The following CTCF variants were observed in gnomAD, a reference collection of about 807,000 sequenced individuals.
CTCF encodes transcriptional repressor CTCF.
In CTCF, 7 loss-of-function variants were observed where a neutral mutation model predicts 72.3. That is an observed-to-expected ratio of 0.10 (90% CI 0.06 to 0.18). CTCF has a LOEUF of 0.18. Ranked by LOEUF, CTCF falls within the 10% of genes least tolerant of loss-of-function variation. The probability of loss-of-function intolerance (pLI) is 1.00; values close to 1 mark genes in which losing one functional copy is unlikely to be tolerated. For synonymous variants in CTCF, 374 were observed against 315.8 expected, an observed-to-expected ratio of 1.18 and a Z score of -1.95; for missense variants, 516 against 949.1, an observed-to-expected ratio of 0.54 and a Z score of 6.00.
intron 1 of CTCF, among the ~76,000 whole-genome samples, chr16:67,568,747 T>TTTGA (rs569994232): frequency 5.6e-4 from 86 of 152,286 alleles, no homozygotes; most frequent in African/African-American, 1.9e-3. Context: ...CCTGACTGGC[T>TTTGA]TTGAACTCCT....
At position 67,562,608 on chromosome 16, in the gene CTCF, T is replaced by TGGC. The variant is rs1567586290; in HGVS notation, c.-239_-237dup. 1 of 152,618 alleles carries TGGC rather than the reference T, an allele frequency of 6.6e-6. No individual in the cohort carries two copies. The highest frequency in any genetic ancestry group is 1.9e-4 in the East Asian group (1 of 5,152). The allele number at this position is 152,618 out of a possible 1,614,324, so 9.5% of individuals were successfully genotyped here. A position where few individuals can be genotyped will look rare whatever the true frequency, so the allele number is the denominator to read the frequency against. Reference sequence around the variant, plus strand: ...TAAACCGTGCGCGGAGCTGCTTCTTTGGCGGCAGCGGCGGCGGCGGTGGCC... The same window carrying TGGC: ...TAAACCGTGCGCGGAGCTGCTTCTTTGGCGGCGGCAGCGGCGGCGGCGGTGGCC... On this transcript the variant is annotated 5_prime_UTR_variant, in exon 1 of 12. Coordinates refer to ENST00000264010, the MANE Select transcript of CTCF (RefSeq NM_006565.4).
intron 2 of CTCF, among the ~76,000 whole-genome samples, chr16:67,587,788 C>T (rs555632312): frequency 1.3e-5 from 2 of 152,166 alleles, no homozygotes; most frequent in African/African-American, 4.8e-5. Context: ...ACAAAAGACT[C>T]ATTGAGTCAT....
chr16:67,600,804 A>G (rs148855998), intron 2 of CTCF, among the ~76,000 whole-genome samples: 1 of 152,268 alleles, frequency 6.6e-6, no homozygotes, highest in East Asian at 1.9e-4. Flanking sequence ...CAGCATCAGA[A>G]TATTAGGTGA....
At chr16:67,562,941 C>T (rs1472854790) in intron 1 of CTCF, among the ~76,000 whole-genome samples, 1 of 141,480 alleles carries the variant, frequency 7.1e-6, no homozygotes, top group East Asian at 2.1e-4. Context: ...GCCCGCCCGC[C>T]CGCTAGGCCT....
In CTCF at chr16:67,620,677, C is replaced by A; in HGVS notation, c.1087-20C>A. On this transcript the variant is annotated intron_variant, in intron 5 of 11. Coordinates refer to ENST00000264010, the MANE Select transcript of CTCF (RefSeq NM_006565.4). ...GTCTGTGTTAACAGAAGTTAAAGTT[C>A]GGTTGTTTTCGTATTTCAGGTCAGC... 2 of 1,535,082 alleles carry A rather than the reference C, an allele frequency of 1.3e-6. No homozygotes were observed. The highest frequency in any genetic ancestry group is 1.2e-5 in the South Asian group (1 of 82,386).
intron 2 of CTCF, among the ~76,000 whole-genome samples, chr16:67,572,945 C>CG (rs1212352762): frequency 8.6e-5 from 9 of 104,850 alleles, no homozygotes; most frequent in African/African-American, 2.7e-4. Flanking sequence ...CTGCCCCCCC[C>CG]CGCCCCCCCC....
intron 1 of CTCF, among the ~76,000 whole-genome samples, chr16:67,564,294 CG>C (rs2051315830): frequency 1.3e-5 from 2 of 152,186 alleles, no homozygotes; most frequent in East Asian, 1.9e-4. Context: ...TGTATCAGTT[CG>C]GGTTGTTTTG....
chr16:67,588,728 C>G (rs561277688), intron 2 of CTCF, among the ~76,000 whole-genome samples: 2 of 152,224 alleles, frequency 1.3e-5, no homozygotes, highest in Admixed American at 6.5e-5. Flanking sequence ...ACTCTGTACC[C>G]CAGACTAGAG....
intron 2 of CTCF, among the ~76,000 whole-genome samples, chr16:67,571,743 T>G (rs1298792405): frequency 6.6e-6 from 1 of 152,180 alleles, no homozygotes; most frequent in Non-Finnish European, 1.5e-5. Context: ...GGGAACCTGG[T>G]ATCCTGGATA....
At chr16:67,636,611 T>A (rs1047420779) in intron 10 of CTCF, 79 bp from the exon 11 acceptor site, 2 of 755,790 alleles carry the variant, frequency 2.6e-6, no homozygotes, top group Non-Finnish European at 3.8e-6. Flanking sequence ...AGACTTCAAA[T>A]AATATATAAT....
chr16:67,635,266 C>T lies in CTCF; in HGVS notation c.1838-1424C>T, dbSNP rs563447036. Among the ~76,000 whole-genome samples, 15 of 150,734 alleles carry T rather than the reference C, an allele frequency of 1.0e-4. No homozygotes were observed. The South Asian group carries it at 1.7e-3, about 17-fold the overall frequency. ...CGATCTCCTGACCTTGTGATCCACC[C>T]GCCTCAGCCTCCCAAAGTGCTGGGA... On this transcript the variant is annotated intron_variant, in intron 10 of 11. Coordinates refer to ENST00000264010, the MANE Select transcript of CTCF (RefSeq NM_006565.4).
intron 11 of CTCF, 130 bp downstream of exon 11, chr16:67,636,981 ACT>A: frequency 1.2e-6 from 1 of 826,260 alleles, no homozygotes; most frequent in Non-Finnish European, 1.7e-6. Context: ...TCGAGAACAA[ACT>A]CTCAGGAAAT....
intron 2 of CTCF, among the ~76,000 whole-genome samples, chr16:67,578,846 G>A (rs2142735225): frequency 6.6e-6 from 1 of 151,908 alleles, no homozygotes; most frequent in African/African-American, 2.4e-5. Context: ...TACTCAGGTG[G>A]CTGAGGCAGG....
At chr16:67,619,115 T>A (rs995586045) in intron 5 of CTCF, among the ~76,000 whole-genome samples, 3 of 152,158 alleles carry the variant, frequency 2.0e-5, no homozygotes, top group African/African-American at 7.2e-5. Flanking sequence ...GTTATCGACT[T>A]ATGTGTGTGA....
At chr16:67,573,062 C>A (rs1001955180) in intron 2 of CTCF, among the ~76,000 whole-genome samples, 9 of 150,516 alleles carry the variant, frequency 6.0e-5, no homozygotes, top group Non-Finnish European at 2.9e-5. Context: ...ACCAGCCTGG[C>A]CAACATGGTG....
intron 7 of CTCF, among the ~76,000 whole-genome samples, chr16:67,622,456 C>T (rs1342284917): frequency 6.6e-6 from 1 of 152,048 alleles, no homozygotes; most frequent in Non-Finnish European, 1.5e-5. Flanking sequence ...TGGGATATCA[C>T]CTCAGTTGAT....
chr16:67,570,049 G>A (rs958655888), intron 1 of CTCF, among the ~76,000 whole-genome samples: 3 of 151,190 alleles, frequency 2.0e-5, no homozygotes, highest in Non-Finnish European at 2.9e-5. Context: ...AACTGTTAGA[G>A]AGCCATTACT....
Position 67,606,278 on chromosome 16 carries a change from C to T in CTCF, c.-9-4546C>T, listed in dbSNP as rs76148741. On this transcript the variant is annotated intron_variant, in intron 2 of 11. Transcript: ENST00000264010. Reference sequence around the variant, plus strand: ...ACCTTTCCCCTACAGAATACATCCTCTGCCCTCCACTGTCAAACTCTGCCT... The same window carrying T: ...ACCTTTCCCCTACAGAATACATCCTTTGCCCTCCACTGTCAAACTCTGCCT... Among the ~76,000 whole-genome samples the T allele has an allele frequency of 3.7e-3, 564 of 152,324 alleles. 7 individuals are homozygous for T. Among genetic ancestry groups the T allele is most frequent in the African/African-American group, 0.013 (524 of 41,578 alleles).
chr16:67,604,685 A>G (rs139125092), intron 2 of CTCF, among the ~76,000 whole-genome samples: 1 of 150,656 alleles, frequency 6.6e-6, no homozygotes, highest in African/African-American at 2.5e-5. Flanking sequence ...TATTTTGGAC[A>G]TACCAGGTTA....
Sources: gnomAD v4.1 joint callset for allele counts (sites outside exome capture counted in the v4.1 genomes callset) on GRCh38, gnomAD v4.1.1 for gene constraint, MANE v1.5 for transcripts, NCBI Gene and HGNC (gene_info 2026-07-23, HGNC 2026-07-21) for gene names.